Variants in ZNF214 observed in about 807,000 individuals in gnomAD.
ZNF214 encodes zinc finger protein 214.
Under a neutral mutation model 53.9 loss-of-function variants are expected in ZNF214, and 43 were observed. That is an observed-to-expected ratio of 0.80 (90% CI 0.63 to 1.03). The LOEUF is 1.03. Ranked by LOEUF, ZNF214 falls within the 50% of genes least tolerant of loss-of-function variation. The pLI is 0.00. For missense variants in ZNF214, 724 were observed against 719.1 expected, an observed-to-expected ratio of 1.01 and a Z score of -0.08; for synonymous variants, 217 against 229.5, an observed-to-expected ratio of 0.95 and a Z score of 0.49.
chr11:7,010,210 C>T (rs1249952356), intron 1 of ZNF214, among the ~76,000 whole-genome samples: 1 of 151,932 alleles, frequency 6.6e-6, no homozygotes, highest in Non-Finnish European at 1.5e-5. Context: ...AAATGTGGTA[C>T]ACATATACCA....
chr11:6,999,982 T>G lies in ZNF214; in HGVS notation c.1701A>C (p.Ser567=). The change falls in exon 3 of 3, where the codon TCA becomes TCC. Residue 567 remains serine, a synonymous_variant. Transcript: ENST00000278314. ...GGACTCTTTGATGAATTCGAAGAGCTGAGCTATGACTGAAACCTTTACCAC... is the reference window on the plus strand; with the variant it reads ...GGACTCTTTGATGAATTCGAAGAGCGGAGCTATGACTGAAACCTTTACCAC... ...AKCGKGFSHS[S]ALRIHQRVHA... 1 of 1,613,280 alleles carries G rather than the reference T, an allele frequency of 6.2e-7. No homozygotes were observed. The highest frequency in any genetic ancestry group is 1.1e-5 in the South Asian group (1 of 91,054).
In ZNF214 at chr11:7,000,240, C is replaced by G. The variant is rs779460178; in HGVS notation, c.1443G>C (p.Lys481Asn). ...TCPECGKGFSKSSKLHTHQRV... is the reference protein window; with the variant it reads ...TCPECGKGFSNSSKLHTHQRV... Reference sequence around the variant, plus strand: ...TTTGATGAGTGTGAAGCTTTGAACTCTTACTGAAGCCCTTCCCACATTCAG... The same window carrying G: ...TTTGATGAGTGTGAAGCTTTGAACTGTTACTGAAGCCCTTCCCACATTCAG... The change falls in exon 3 of 3, where the codon AAG becomes AAC. Residue 481 changes from lysine (K) to asparagine (N), a missense_variant. Physicochemically the swap from Lys to Asn is moderately conservative, Grantham distance 94. Transcript: ENST00000278314. 6 of 1,613,218 alleles carry G rather than the reference C, an allele frequency of 3.7e-6. No individual in the cohort carries two copies. The highest frequency in any genetic ancestry group is 5.1e-6 in the Non-Finnish European group (6 of 1,179,582).
At chr11:7,010,378 A>G (rs1007711432) in intron 1 of ZNF214, among the ~76,000 whole-genome samples, 27 of 152,088 alleles carry the variant, frequency 1.8e-4, no homozygotes, top group Non-Finnish European at 7.4e-5. Context: ...TTGAGAACAC[A>G]TGGACACAAA....
chr11:7,017,283 A>T (rs1292695322), intron 1 of ZNF214, among the ~76,000 whole-genome samples: 1 of 152,218 alleles, frequency 6.6e-6, no homozygotes, highest in South Asian at 2.1e-4. Context: ...TCAAGTTCAC[A>T]TAACATTTCT....
At position 7,000,032 on chromosome 11, in the gene ZNF214, C is replaced by G. The variant is rs138351383; in HGVS notation, c.1651G>C (p.Glu551Gln). Residue 551 changes from glutamate (E) to glutamine (Q), a missense_variant, in exon 3 of 3, where the codon GAG becomes CAG. Coordinates refer to ENST00000278314, the MANE Select transcript of ZNF214 (RefSeq NM_013249.4). ...LHIHQRVHTG[E>Q]KPYQCAKCGK... ...CACTTAGCACATTGATAAGGCTTCT[C>G]TCCTGTATGGACCCTCTGATGAATG... 1.6e-4 allele frequency: 261 copies of G among 1,613,318 alleles called. 2 individuals are homozygous for G. In the African/African-American group the frequency reaches 3.0e-3, roughly 18 times the overall value.
At position 7,000,291 on chromosome 11, in the gene ZNF214, A is replaced by T; in HGVS notation, c.1392T>A (p.His464Gln). 1.2e-6 allele frequency: 2 copies of T among 1,613,266 alleles called. No homozygotes were observed. Among genetic ancestry groups the T allele is most frequent in the Non-Finnish European group, 1.7e-6 (2 of 1,179,558 alleles). The change falls in exon 3 of 3, where the codon CAT becomes CAA. Residue 464 changes from histidine (H) to glutamine (Q), a missense_variant. By Grantham distance (24) the His-to-Gln change is conservative (BLOSUM62 0). Transcript: ENST00000278314. ...SSDLRIHQRV[H>Q]TGEKPYTCPE... ...GACAAGTATAGGGTTTCTCCCCTGT[A>T]TGGACTCTCTGATGAATGCGAAGAT...
At position 7,000,393 on chromosome 11, in the gene ZNF214, T is replaced by G. The variant is rs955051838; in HGVS notation, c.1290A>C (p.Gln430His). The change falls in exon 3 of 3, where the codon CAA becomes CAC. Residue 430 changes from glutamine (Q) to histidine (H), a missense_variant. Physicochemically the swap from Gln to His is conservative, Grantham distance 24. Coordinates refer to ENST00000278314, the MANE Select transcript of ZNF214 (RefSeq NM_013249.4). ...GKGFTQRSNL[Q>H]IHQRVHTGEK... Reference sequence around the variant, plus strand: ...CTCCTGTATGCACTCTCTGATGAATTTGAAGATTTGAGCGCTGGGTAAAGC... The same window carrying G: ...CTCCTGTATGCACTCTCTGATGAATGTGAAGATTTGAGCGCTGGGTAAAGC... 5 of 1,613,256 alleles carry G rather than the reference T, an allele frequency of 3.1e-6. No homozygotes were observed. In the African/African-American group the frequency reaches 6.7e-5, roughly 22 times the overall value.
chr11:7,007,236 A>G (rs1851490866), intron 1 of ZNF214, among the ~76,000 whole-genome samples: 2 of 151,740 alleles, frequency 1.3e-5, no homozygotes, highest in Admixed American at 1.3e-4. Context: ...AAGAAACAAA[A>G]TGAAATCTAT....
At chr11:7,012,892 T>A (rs1851638982) in intron 1 of ZNF214, among the ~76,000 whole-genome samples, 1 of 152,198 alleles carries the variant, frequency 6.6e-6, no homozygotes, top group African/African-American at 2.4e-5. Flanking sequence ...ATTTCTTATT[T>A]TTTTTTCTGG....
rs1851885177 is a variant in ZNF214, at chr11:7,020,147, G to T, written c.-95C>A. ...CGGGTGTCTCTGGGGTTTCTAAACC[G>T]GAGTAGCTTCTCAGTCCCTGACCCT... On this transcript the variant is annotated 5_prime_UTR_variant, in exon 1 of 3. Transcript: ENST00000278314. The T allele has an allele frequency of 6.6e-6, 1 of 152,390 alleles. No homozygotes were observed. Among genetic ancestry groups the T allele is most frequent in the African/African-American group, 2.4e-5 (1 of 41,388 alleles). 9.4% of individuals were successfully genotyped at this position (152,390 alleles called of 1,614,324 possible).
chr11:7,020,236 C>G lies in ZNF214; in HGVS notation c.-184G>C, dbSNP rs990026211. 3 of 152,332 alleles carry G rather than the reference C, an allele frequency of 2.0e-5. No individual in the cohort carries two copies. Among genetic ancestry groups the G allele is most frequent in the Non-Finnish European group, 4.4e-5 (3 of 68,220 alleles). The allele number at this position is 152,332 out of a possible 1,614,324, so 9.4% of individuals were successfully genotyped here. On this transcript the variant is annotated 5_prime_UTR_variant, in exon 1 of 3. Coordinates refer to ENST00000278314, the MANE Select transcript of ZNF214 (RefSeq NM_013249.4). ...TGCCCTGTCCGCTTCTGGCTCAGTC[C>G]TCCTGAGAGTTCATGTCACTTAACG... is the stretch of plus-strand genomic sequence containing the variant.
intron 1 of ZNF214, among the ~76,000 whole-genome samples, chr11:7,007,566 A>T (rs1851501337): frequency 6.6e-6 from 1 of 151,880 alleles, no homozygotes; most frequent in Non-Finnish European, 1.5e-5. Flanking sequence ...TATGAACAGT[A>T]GGAAAAAATA....
At position 6,999,711 on chromosome 11, in the gene ZNF214, G is replaced by T; in HGVS notation, c.*151C>A. ...GGGTTTTTTCTAAAGATCTCCTTTT[G>T]AAGCAAATAATTCTTAGTGGGAGAT... On this transcript the variant is annotated 3_prime_UTR_variant, in exon 3 of 3. Transcript: ENST00000278314. The T allele has an allele frequency of 1.2e-6, 1 of 816,210 alleles. No homozygotes were observed. The highest frequency in any genetic ancestry group is 1.8e-6 in the Non-Finnish European group (1 of 563,776). 50.6% of individuals were successfully genotyped at this position (816,210 alleles called of 1,614,324 possible).
chr11:7,018,160 C>T (rs1160094346), intron 1 of ZNF214, among the ~76,000 whole-genome samples: 1 of 152,154 alleles, frequency 6.6e-6, no homozygotes, highest in African/African-American at 2.4e-5. Context: ...CAAGTAAATA[C>T]ACCCAAAGGT....
Position 6,997,678 on chromosome 11 carries a change from T to G in ZNF214, c.*2184A>C, listed in dbSNP as rs1032775557. On this transcript the variant is annotated 3_prime_UTR_variant, in exon 3 of 3. Coordinates refer to ENST00000278314, the MANE Select transcript of ZNF214 (RefSeq NM_013249.4). ...TATTTAAGATCAGAAATGTGGCACT[T>G]ATGGTCTCTCTCCAGTTGCCGGATG... Among the ~76,000 whole-genome samples, 13 of 151,570 alleles carry G rather than the reference T, an allele frequency of 8.6e-5. No individual in the cohort carries two copies. The highest frequency in any genetic ancestry group is 8.6e-4 in the Admixed American group (13 of 15,176).
intron 1 of ZNF214, among the ~76,000 whole-genome samples, chr11:7,005,092 TATC>T (rs1183467089): frequency 6.6e-6 from 1 of 151,838 alleles, no homozygotes; most frequent in Non-Finnish European, 1.5e-5. Context: ...CTCTTAAATA[TATC>T]ATATTTCTAT....
intron 1 of ZNF214, among the ~76,000 whole-genome samples, chr11:7,018,275 C>G (rs150705031): frequency 1.6e-3 from 237 of 152,208 alleles, no homozygotes; most frequent in African/African-American, 5.4e-3. Context: ...ATTCATGTTT[C>G]ACTTCCCTGT....
Position 7,000,263 on chromosome 11 carries a change from C to G in ZNF214, c.1420G>C (p.Glu474Gln). The G allele has an allele frequency of 6.2e-7, 1 of 1,613,310 alleles. No individual in the cohort carries two copies. The highest frequency in any genetic ancestry group is 8.5e-7 in the Non-Finnish European group (1 of 1,179,604). Reference sequence around the variant, plus strand: ...CTCTTACTGAAGCCCTTCCCACATTCAGGACAAGTATAGGGTTTCTCCCCT... The same window carrying G: ...CTCTTACTGAAGCCCTTCCCACATTGAGGACAAGTATAGGGTTTCTCCCCT... ...HTGEKPYTCP[E>Q]CGKGFSKSSK... The change falls in exon 3 of 3, where the codon GAA (glutamate) becomes CAA (glutamine). Residue 474 changes from glutamate to glutamine, a missense_variant. By Grantham distance (29) the Glu-to-Gln change is conservative. Coordinates refer to ENST00000278314, the MANE Select transcript of ZNF214 (RefSeq NM_013249.4).
chr11:7,015,070 CATAT>C (rs72042461), intron 1 of ZNF214, among the ~76,000 whole-genome samples: 3 of 147,936 alleles, frequency 2.0e-5, no homozygotes, highest in African/African-American at 7.4e-5. Flanking sequence ...AGAGTTCAGA[CATAT>C]AAATAATAAT....
Sources: allele counts gnomAD v4.1 joint callset (sites outside exome capture counted in the v4.1 genomes callset), GRCh38; gene constraint gnomAD v4.1.1; transcripts MANE v1.5; gene names NCBI Gene and HGNC (gene_info 2026-07-23, HGNC 2026-07-21).